Variants in SETBP1 observed in about 807,000 individuals in gnomAD.
SETBP1 encodes the protein SET-binding protein.
In SETBP1, 9 loss-of-function variants were observed where a neutral mutation model predicts 101.0. The ratio of observed to expected loss-of-function variants is 0.09; its 90% CI spans 0.05 to 0.16. SETBP1 has a LOEUF of 0.16. Among genes scored for constraint, SETBP1 ranks in the 10% least tolerant of loss-of-function variants. The pLI is 1.00. For synonymous variants in SETBP1, 818 were observed against 788.5 expected (o/e 1.04, Z -0.63); for missense variants, 1,858 against 2,033.8 (o/e 0.91, Z 1.66).
In SETBP1 at chr18:44,830,773, G is replaced by A. The variant is rs557631053; in HGVS notation, c.487-38457G>A. Among the ~76,000 whole-genome samples the A allele has an allele frequency of 3.9e-5, 6 of 152,264 alleles. No individual in the cohort carries two copies. In the South Asian group the frequency reaches 6.2e-4, roughly 16 times the overall value. On this transcript the variant is annotated intron_variant, in intron 2 of 5. Coordinates refer to ENST00000649279, the MANE Select transcript of SETBP1 (RefSeq NM_015559.3). ...ACAAGTTTTAAACATTCTGTTGCAC[G>A]AAGACTGAAGGTTACTGTATACTAT... is the stretch of plus-strand genomic sequence containing the variant.
In SETBP1 at chr18:44,950,640, G is replaced by C. The variant is rs2071322955; in HGVS notation, c.1300G>C (p.Glu434Gln). Residue 434 changes from glutamate to glutamine, a missense_variant, in exon 4 of 6, where the codon GAG becomes CAG. Around this residue, in one of 12 missense-constraint regions of SETBP1, gnomAD observed 581 missense variants for 535.1 expected, o/e 1.09. Coordinates refer to ENST00000649279, the MANE Select transcript of SETBP1 (RefSeq NM_015559.3). ...IKAVVEKIMP[E>Q]KALASGITMS... ...AGCGGTGGTGGAAAAGATCATGCCA[G>C]AGAAAGCCTTGGCTTCTGGAATCAC... The C allele has an allele frequency of 3.1e-6, 5 of 1,614,164 alleles. No homozygotes were observed. The Middle Eastern group carries it at 6.6e-4, about 213-fold the overall frequency.
intron 2 of SETBP1, among the ~76,000 whole-genome samples, chr18:44,810,928 T>C (rs2071848472): frequency 6.6e-6 from 1 of 152,212 alleles, no homozygotes; most frequent in Non-Finnish European, 1.5e-5. Flanking sequence ...ATATGCATTT[T>C]CTGGGGCGAA....
intron 4 of SETBP1, among the ~76,000 whole-genome samples, chr18:44,985,682 A>G (rs558808015): frequency 6.6e-6 from 1 of 152,194 alleles, no homozygotes; most frequent in South Asian, 2.1e-4. Flanking sequence ...ATTTGTCAGT[A>G]ATCACTCTGT....
chr18:44,851,955 C>T (rs778982726), intron 2 of SETBP1, among the ~76,000 whole-genome samples: 5 of 152,222 alleles, frequency 3.3e-5, no homozygotes, highest in Non-Finnish European at 4.4e-5. Flanking sequence ...CTGCCCCATG[C>T]CCCAGGCTCA....
intron 5 of SETBP1, among the ~76,000 whole-genome samples, chr18:45,048,647 A>G (rs2073659781): frequency 6.6e-6 from 1 of 151,938 alleles, no homozygotes; most frequent in Non-Finnish European, 1.5e-5. Context: ...AACTTGCCAC[A>G]CTGCACTCAA....
chr18:44,873,935 T>G (rs1293912055), intron 3 of SETBP1, among the ~76,000 whole-genome samples: 1 of 152,148 alleles, frequency 6.6e-6, no homozygotes, highest in Non-Finnish European at 1.5e-5. Context: ...TGTGTAAATA[T>G]CTCCATCATG....
chr18:44,964,203 G>A (rs999561397), intron 4 of SETBP1, among the ~76,000 whole-genome samples: 34 of 152,144 alleles, frequency 2.2e-4, no homozygotes, highest in Non-Finnish European at 4.6e-4. Context: ...TCTTTGTGCT[G>A]TTATATTTTT....
chr18:44,836,033 C>T (rs2072487408), intron 2 of SETBP1, among the ~76,000 whole-genome samples: 1 of 152,166 alleles, frequency 6.6e-6, no homozygotes, highest in Non-Finnish European at 1.5e-5. Context: ...AAGCATTTGG[C>T]CACGGACAAC....
intron 5 of SETBP1, among the ~76,000 whole-genome samples, chr18:45,048,491 G>T (rs1206918011): frequency 6.6e-6 from 1 of 152,132 alleles, no homozygotes; most frequent in Non-Finnish European, 1.5e-5. Context: ...AAAATGATAT[G>T]TATCCTCACT....
intron 2 of SETBP1, among the ~76,000 whole-genome samples, chr18:44,758,707 T>C (rs768427988): frequency 4.6e-5 from 7 of 152,238 alleles, no homozygotes; most frequent in Non-Finnish European, 7.3e-5. Flanking sequence ...AAGATCTTGC[T>C]GCTGATTTCA....
At chr18:45,022,803 C>T (rs1477092112) in intron 4 of SETBP1, among the ~76,000 whole-genome samples, 4 of 152,188 alleles carry the variant, frequency 2.6e-5, no homozygotes, top group Admixed American at 2.6e-4. Flanking sequence ...GCACTCCAGC[C>T]TGGGCAACAG....
At chr18:44,913,372 A>G (rs563775381) in intron 3 of SETBP1, among the ~76,000 whole-genome samples, 45 of 152,286 alleles carry the variant, frequency 3.0e-4, no homozygotes, top group African/African-American at 1.1e-3. Context: ...CCTTAGATCA[A>G]TGCTTCCGTC....
At chr18:44,993,460 TTAAA>T (rs1297460287) in intron 4 of SETBP1, among the ~76,000 whole-genome samples, 1 of 152,028 alleles carries the variant, frequency 6.6e-6, no homozygotes, top group Non-Finnish European at 1.5e-5. Context: ...CTAAAAGTGA[TTAAA>T]TACAGAAAAT....
intron 3 of SETBP1, among the ~76,000 whole-genome samples, chr18:44,874,847 A>G (rs181625277): frequency 6.6e-6 from 1 of 152,214 alleles, no homozygotes; most frequent in South Asian, 2.1e-4. Flanking sequence ...GCCAAACCCC[A>G]AAGTATTCTG....
At chr18:44,891,611 T>C (rs1299378085) in intron 3 of SETBP1, among the ~76,000 whole-genome samples, 2 of 150,680 alleles carry the variant, frequency 1.3e-5, no homozygotes, top group African/African-American at 2.4e-5. Context: ...GTAACTATGC[T>C]GTTAACTCAG....
rs1367298475 is a variant in SETBP1 at position 45,065,417 on chromosome 18, A to C, written c.*1719A>C. 4 of 152,204 alleles carry C rather than the reference A, an allele frequency of 2.6e-5. No homozygotes were observed. The highest frequency in any genetic ancestry group is 9.7e-5 in the African/African-American group (4 of 41,450). The allele number at this position is 152,204 out of a possible 1,614,324, so 9.4% of individuals were successfully genotyped here. On this transcript the variant is annotated 3_prime_UTR_variant, in exon 6 of 6. Coordinates refer to ENST00000649279, the MANE Select transcript of SETBP1 (RefSeq NM_015559.3). The stretch of plus-strand genomic sequence containing the variant: ...AGAATATCTGGTTTACCTCCAAATT[A>C]AGTTTCTTTACAGGAAGTTGGGACC...
At chr18:45,030,462 C>A (rs909306944) in intron 4 of SETBP1, among the ~76,000 whole-genome samples, 3 of 132,110 alleles carry the variant, frequency 2.3e-5, no homozygotes, top group Non-Finnish European at 4.8e-5. Flanking sequence ...GGATATTGGT[C>A]TAAAATTCTC....
intron 3 of SETBP1, chr18:44,877,111 G>T (rs951296543): frequency 9.9e-7 from 1 of 1,009,398 alleles, no homozygotes; most frequent in Non-Finnish European, 1.2e-6. Context: ...ATGGATCTTT[G>T]CTCTCTTACC....
intron 3 of SETBP1, among the ~76,000 whole-genome samples, chr18:44,886,754 TTTATTATTATTA>T (rs4024294): frequency 0.02 from 2,864 of 143,078 alleles, 52 homozygotes; most frequent in Non-Finnish European, 0.028. Context: ...GACTGTACAT[TTTATTATTATTA>T]TTATTATTAT....
Sources: gnomAD v4.1 joint callset for allele counts (sites outside exome capture counted in the v4.1 genomes callset) on GRCh38, gnomAD v4.1.1 for gene constraint, gnomAD v4.1.1 regional missense constraint, MANE v1.5 for transcripts, NCBI Gene and HGNC (gene_info 2026-07-23, HGNC 2026-07-21) for gene names.